Variants in CFAP77 observed in about 807,000 individuals in gnomAD.
CFAP77 encodes the protein cilia and flagella associated protein 77.
Under a neutral mutation model 31.1 loss-of-function variants are expected in CFAP77, and 25 were observed. The observed-to-expected ratio is 0.80, with a 90% CI of 0.59 to 1.12. The LOEUF (loss-of-function observed/expected upper bound fraction) is 1.12. Among genes scored for constraint, CFAP77 ranks in the 50% most tolerant of loss-of-function variants. The pLI, the probability that CFAP77 is intolerant of heterozygous loss-of-function variation, is 0.00. For synonymous variants in CFAP77, 151 were observed against 159.9 expected (o/e 0.94, Z 0.42); for missense variants, 377 against 397.3 (o/e 0.95, Z 0.44).
chr9:132,529,321 C>T (rs369638329), intron 3 of CFAP77, among the ~76,000 whole-genome samples: 8 of 119,932 alleles, frequency 6.7e-5, no homozygotes, highest in African/African-American at 1.9e-4. Flanking sequence ...ATCACATGGA[C>T]ACAGGAAGGG....
intron 1 of CFAP77, among the ~76,000 whole-genome samples, chr9:132,459,878 G>A (rs886404644): frequency 6.6e-6 from 1 of 151,658 alleles, no homozygotes; most frequent in African/African-American, 2.4e-5. Flanking sequence ...GTATGTGTGA[G>A]TGTATGTGGG....
Position 132,565,638 on chromosome 9 carries a change from A to G in CFAP77, c.733-6750A>G, listed in dbSNP as rs949676657. 2.0e-5 allele frequency among the ~76,000 whole-genome samples: 3 copies of G among 152,134 alleles called. No individual in the cohort carries two copies. Among genetic ancestry groups the G allele is most frequent in the African/African-American group, 7.2e-5 (3 of 41,434 alleles). ...GAGAATGAAACCCCTTCTTAAAAAAAAAAAGAAGATAGCTCTTGTCTAAAT... is the reference window on the plus strand; with the variant it reads ...GAGAATGAAACCCCTTCTTAAAAAAGAAAAGAAGATAGCTCTTGTCTAAAT... On this transcript the variant is annotated intron_variant, in intron 5 of 5. Coordinates refer to ENST00000393216, the MANE Select transcript of CFAP77 (RefSeq NM_001282957.2). The surrounding 1 kb of genome is among the most constrained non-coding windows in gnomAD (Gnocchi z 4.1).
intron 1 of CFAP77, among the ~76,000 whole-genome samples, chr9:132,461,527 A>G (rs1281634665): frequency 6.6e-6 from 1 of 152,218 alleles, no homozygotes; most frequent in Admixed American, 6.5e-5. Flanking sequence ...GCAGCAGAAC[A>G]GCTTGATTCC....
intron 3 of CFAP77, among the ~76,000 whole-genome samples, chr9:132,515,833 C>T (rs1852136236): frequency 6.6e-6 from 1 of 151,892 alleles, no homozygotes. Context: ...GCCTCCGTTT[C>T]TCCGTCGGTC....
rs932983759 is a variant in CFAP77, at chr9:132,498,130, G to A, written c.196-565G>A. 2.6e-5 allele frequency among the ~76,000 whole-genome samples: 4 copies of A among 152,134 alleles called. No individual in the cohort carries two copies. Among genetic ancestry groups the A allele is most frequent in the Admixed American group, 6.5e-5 (1 of 15,272 alleles). On this transcript the variant is annotated intron_variant, in intron 1 of 5. Transcript: ENST00000393216. This position sits in a 1 kb window ranked among gnomAD's most constrained non-coding sequence, Gnocchi z 4.2. ...GCCAAGGAGTTCCCTAGAGTCCCAGGGAGTAAGGACATCTGGCCAGGTGCA... is the reference window on the plus strand; with the variant it reads ...GCCAAGGAGTTCCCTAGAGTCCCAGAGAGTAAGGACATCTGGCCAGGTGCA...
intron 3 of CFAP77, among the ~76,000 whole-genome samples, chr9:132,530,051 T>G (rs1255002785): frequency 2.0e-5 from 3 of 152,004 alleles, no homozygotes; most frequent in Non-Finnish European, 4.4e-5. Context: ...TGTTGACTAT[T>G]CTTTCATGTG....
chr9:132,481,744 G>C lies in CFAP77; in HGVS notation c.196-16951G>C, dbSNP rs1035091508. Among the ~76,000 whole-genome samples the C allele has an allele frequency of 6.6e-6, 1 of 152,198 alleles. No homozygotes were observed. Among genetic ancestry groups the C allele is most frequent in the Non-Finnish European group, 1.5e-5 (1 of 68,038 alleles). ...GACCCCAGCCTTATTAACAGGCTTC[G>C]TTTTAGGGACGCCTCCTCCGCCTCA... On this transcript the variant is annotated intron_variant, in intron 1 of 5. Coordinates refer to ENST00000393216, the MANE Select transcript of CFAP77 (RefSeq NM_001282957.2). The surrounding 1 kb of genome is among the most constrained non-coding windows in gnomAD (Gnocchi z 5.0).
chr9:132,489,579 G>T (rs1009653631), intron 1 of CFAP77, among the ~76,000 whole-genome samples: 2 of 152,230 alleles, frequency 1.3e-5, no homozygotes, highest in African/African-American at 4.8e-5. Context: ...CATCCTGTGT[G>T]CCCTGCACGG....
chr9:132,466,268 C>T (rs752934698), intron 1 of CFAP77, among the ~76,000 whole-genome samples: 2 of 152,140 alleles, frequency 1.3e-5, no homozygotes, highest in Non-Finnish European at 2.9e-5. Flanking sequence ...CTTGATGATT[C>T]TAGAGAGCAG....
intron 1 of CFAP77, among the ~76,000 whole-genome samples, chr9:132,492,202 C>T (rs988328911): frequency 3.9e-5 from 6 of 152,116 alleles, no homozygotes; most frequent in African/African-American, 1.4e-4. Context: ...GTGGGAGGAT[C>T]ACTTGAGCCT....
rs550173769 is a variant in CFAP77, at chr9:132,497,666, C to T, written c.196-1029C>T. Among the ~76,000 whole-genome samples the T allele has an allele frequency of 1.3e-5, 2 of 152,238 alleles. No individual in the cohort carries two copies. The highest frequency in any genetic ancestry group is 2.4e-5 in the African/African-American group (1 of 41,546). On this transcript the variant is annotated intron_variant, in intron 1 of 5. Transcript: ENST00000393216. This position sits in a 1 kb window ranked among gnomAD's most constrained non-coding sequence, Gnocchi z 4.9. ...TACTGCTTGACCTGAGGCAACCTGTCGGATCTCTCTGTGCCTCAGCTTCCC... is the reference window on the plus strand; with the variant it reads ...TACTGCTTGACCTGAGGCAACCTGTTGGATCTCTCTGTGCCTCAGCTTCCC...
chr9:132,421,875 A>G (rs911339698), intron 1 of CFAP77, among the ~76,000 whole-genome samples: 1 of 152,202 alleles, frequency 6.6e-6, no homozygotes, highest in African/African-American at 2.4e-5. Flanking sequence ...CTAAGCCTTG[A>G]TTCTGCACAC....
At chr9:132,478,542 G>A (rs1317827677) in intron 1 of CFAP77, among the ~76,000 whole-genome samples, 1 of 152,148 alleles carries the variant, frequency 6.6e-6, no homozygotes, top group African/African-American at 2.4e-5. Flanking sequence ...TCCCAAGTAA[G>A]CAAAAGCTCC....
chr9:132,459,317 C>T lies in CFAP77; in HGVS notation c.196-39378C>T, dbSNP rs575978524. ...CGATCTCCTGACCTCGTGATCTGCC[C>T]GCCTTGGTCTCCCAAAGTGCTGGGA... On this transcript the variant is annotated intron_variant, in intron 1 of 5. Coordinates refer to ENST00000393216, the MANE Select transcript of CFAP77 (RefSeq NM_001282957.2). 1.9e-3 allele frequency among the ~76,000 whole-genome samples: 294 copies of T among 152,194 alleles called. 1 individual carries two copies. The Middle Eastern group carries it at 0.031, about 16-fold the overall frequency.
chr9:132,497,796 G>A lies in CFAP77; in HGVS notation c.196-899G>A, dbSNP rs574324035. On this transcript the variant is annotated intron_variant, in intron 1 of 5. Coordinates refer to ENST00000393216, the MANE Select transcript of CFAP77 (RefSeq NM_001282957.2). This position sits in a 1 kb window ranked among gnomAD's most constrained non-coding sequence, Gnocchi z 4.9. ...AAACATTGTGCCTGGGATGCAGTCC[G>A]AACCCAGCAAGTGCCCACTGATGCA... Among the ~76,000 whole-genome samples, 11 of 152,302 alleles carry A rather than the reference G, an allele frequency of 7.2e-5. No individual in the cohort carries two copies. Among genetic ancestry groups the A allele is most frequent in the African/African-American group, 2.4e-4 (10 of 41,576 alleles).
At chr9:132,533,517 TG>T (rs946560171) in intron 3 of CFAP77, among the ~76,000 whole-genome samples, 15 of 150,380 alleles carry the variant, frequency 1.0e-4, no homozygotes, top group Non-Finnish European at 1.2e-4. Context: ...AGGCGTTTCT[TG>T]GTTTGGGGTT....
At chr9:132,513,270 A>T in intron 3 of CFAP77, 1 of 1,548,354 alleles carries the variant, frequency 6.5e-7, no homozygotes, top group Non-Finnish European at 8.7e-7. Flanking sequence ...AAACTTTCCA[A>T]ACAAATAGAA....
chr9:132,514,196 C>T (rs971100421), intron 3 of CFAP77, among the ~76,000 whole-genome samples: 2 of 151,748 alleles, frequency 1.3e-5, no homozygotes, highest in Admixed American at 6.6e-5. Context: ...TGTCATTGAC[C>T]ACGAGTGAGA....
intron 3 of CFAP77, among the ~76,000 whole-genome samples, chr9:132,507,332 G>A (rs2118984388): frequency 6.6e-6 from 1 of 152,278 alleles, no homozygotes. Context: ...CAGTTGCCAC[G>A]TGCAACCTGA....
Sources: gnomAD v4.1 joint callset for allele counts (sites outside exome capture counted in the v4.1 genomes callset) on GRCh38, gnomAD v4.1.1 for gene constraint, Gnocchi (gnomAD v3.1) non-coding constraint, MANE v1.5 for transcripts, NCBI Gene and HGNC (gene_info 2026-07-23, HGNC 2026-07-21) for gene names.